The following RIMBP2 variants were observed in gnomAD, a reference collection of about 807,000 sequenced individuals.
The protein encoded by RIMBP2 is RIMS-binding protein 2.
In RIMBP2, 48 loss-of-function variants were observed where a neutral mutation model predicts 118.6. The observed-to-expected ratio is 0.40, with a 90% confidence interval of 0.32 to 0.51. The LOEUF is 0.51. Among genes scored for constraint, RIMBP2 ranks in the 20% least tolerant of loss-of-function variants. The pLI is 0.41. For synonymous variants in RIMBP2, 762 were observed against 742.9 expected, an observed-to-expected ratio of 1.03 and a Z score of -0.42; for missense variants, 1,551 against 1,768.3, an observed-to-expected ratio of 0.88 and a Z score of 2.20.
At position 130,492,395 on chromosome 12, in the gene RIMBP2, C is replaced by G. The variant is rs1184550912; in HGVS notation, c.-3-13379G>C. ...TTTCAGCCCAAGTATTTTAGTTTCT[C>G]AAACTGGGAAAAAAAATGGATCCTT... On this transcript the variant is annotated intron_variant, in intron 4 of 22. Transcript: ENST00000690449. Among the ~76,000 whole-genome samples, 5 of 9,856 alleles carry G rather than the reference C, an allele frequency of 5.1e-4. No homozygotes were observed. The East Asian group carries it at 0.023, about 45-fold the overall frequency. The allele number at this position is 9,856 out of a possible 152,430, so 6.5% of individuals were successfully genotyped here.
At chr12:130,565,104 C>T (rs1391590974) in intron 2 of RIMBP2, among the ~76,000 whole-genome samples, 1 of 152,136 alleles carries the variant, frequency 6.6e-6, no homozygotes, top group Admixed American at 6.5e-5. Flanking sequence ...ACTTCCTGCC[C>T]TTTATGATGC....
Position 130,406,223 on chromosome 12 carries a change from T to C in RIMBP2, c.3714A>G (p.Thr1238=), listed in dbSNP as rs748612513. The change falls in exon 21 of 23, where the codon ACA becomes ACG. Residue 1238 remains threonine, a synonymous_variant. Coordinates refer to ENST00000690449, the MANE Select transcript of RIMBP2 (RefSeq NM_001393629.1). ...VDVEAELTFC[T]GDIITVFGEI... is the part of the protein sequence containing the mutation. ...CACCAAAAACTGTAATAATATCTCC[T>C]GTGCAAAATGTAAGTTCGGCCTGTG... 16 of 1,604,108 alleles carry C rather than the reference T, an allele frequency of 1.0e-5. No individual in the cohort carries two copies. Among genetic ancestry groups the C allele is most frequent in the African/African-American group, 2.7e-5 (2 of 74,760 alleles).
intron 1 of RIMBP2, among the ~76,000 whole-genome samples, chr12:130,644,138 T>G (rs1301851731): frequency 6.6e-6 from 1 of 152,140 alleles, no homozygotes; most frequent in Non-Finnish European, 1.5e-5. Context: ...AGCTATACTG[T>G]GGATTCAGGG....
At chr12:130,407,852 A>C in intron 19 of RIMBP2, 23 bp from the exon 20 acceptor site, 3 of 1,596,672 alleles carry the variant, frequency 1.9e-6, no homozygotes, top group Non-Finnish European at 2.6e-6. Flanking sequence ...CAAGGGGGAA[A>C]GAAATCCATC....
intron 17 of RIMBP2, among the ~76,000 whole-genome samples, chr12:130,416,972 G>T (rs557508866): frequency 6.6e-6 from 1 of 151,830 alleles, no homozygotes; most frequent in South Asian, 2.1e-4. Flanking sequence ...TTTAAAAAAT[G>T]TATAAAAATA....
chr12:130,522,056 C>A (rs1161315118), intron 2 of RIMBP2, among the ~76,000 whole-genome samples: 1 of 152,198 alleles, frequency 6.6e-6, no homozygotes, highest in Non-Finnish European at 1.5e-5. Context: ...CCCATCAGAG[C>A]ATTCTGGGAT....
chr12:130,601,333 G>A (rs1343571463), intron 2 of RIMBP2, among the ~76,000 whole-genome samples: 1 of 61,146 alleles, frequency 1.6e-5, no homozygotes, highest in African/African-American at 5.8e-5. Flanking sequence ...AAAGAGGGCA[G>A]GCAAAAAAAA....
chr12:130,665,209 G>A (rs994616314), intron 1 of RIMBP2, among the ~76,000 whole-genome samples: 1 of 151,616 alleles, frequency 6.6e-6, no homozygotes, highest in Non-Finnish European at 1.5e-5. Flanking sequence ...GTTTCCTGAT[G>A]CCATGCTCCG....
At position 130,576,152 on chromosome 12, in the gene RIMBP2, A is replaced by G. The variant is rs932768226; in HGVS notation, c.-217+52170T>C. ...CAGGTGAGGGGGAGGAGGGGGCTGC[A>G]GATCGTACCTTGTAGGCCACGGTAG... On this transcript the variant is annotated intron_variant, in intron 2 of 22. Transcript: ENST00000690449. The surrounding 1 kb of genome is among the most constrained non-coding windows in gnomAD (Gnocchi z 4.2). Among the ~76,000 whole-genome samples the G allele has an allele frequency of 3.3e-4, 50 of 152,306 alleles. 1 individual carries two copies. Among genetic ancestry groups the G allele is most frequent in the Admixed American group, 2.6e-3 (40 of 15,306 alleles).
intron 1 of RIMBP2, among the ~76,000 whole-genome samples, chr12:130,690,220 G>A (rs758389960): frequency 1.6e-4 from 24 of 152,244 alleles, no homozygotes; most frequent in Middle Eastern, 3.4e-3. Flanking sequence ...TCTCCCAGGC[G>A]GCCTCCCTTT....
intron 4 of RIMBP2, among the ~76,000 whole-genome samples, chr12:130,506,335 T>G (rs1028316525): frequency 2.0e-5 from 3 of 152,340 alleles, no homozygotes; most frequent in Admixed American, 1.3e-4. Context: ...ACCTCTGGTC[T>G]TTAACGTAGG....
Position 130,625,933 on chromosome 12 carries a change from C to T in RIMBP2, c.-217+2389G>A, listed in dbSNP as rs983330677. 3.9e-5 allele frequency among the ~76,000 whole-genome samples: 6 copies of T among 152,158 alleles called. 1 individual carries two copies. The highest frequency in any genetic ancestry group is 8.8e-5 in the Non-Finnish European group (6 of 68,030). On this transcript the variant is annotated intron_variant, in intron 2 of 22. Coordinates refer to ENST00000690449, the MANE Select transcript of RIMBP2 (RefSeq NM_001393629.1). ...ACCCACACCACTCAGTTGAAACACA[C>T]TCTTTGAAAGTGTTCTTAATGACAC...
At chr12:130,501,620 T>C (rs2049791578) in intron 4 of RIMBP2, among the ~76,000 whole-genome samples, 1 of 152,238 alleles carries the variant, frequency 6.6e-6, no homozygotes, top group Non-Finnish European at 1.5e-5. Flanking sequence ...AATAATTTTC[T>C]GCATAACCTG....
At chr12:130,589,008 C>T (rs1264817532) in intron 2 of RIMBP2, among the ~76,000 whole-genome samples, 3 of 152,226 alleles carry the variant, frequency 2.0e-5, no homozygotes, top group Admixed American at 6.5e-5. Context: ...ACACTCGGGA[C>T]GTCAGCCTTC....
intron 7 of RIMBP2, among the ~76,000 whole-genome samples, chr12:130,454,576 G>C (rs1013527361): frequency 6.6e-6 from 1 of 152,274 alleles, no homozygotes; most frequent in African/African-American, 2.4e-5. Context: ...GTGATTAAAT[G>C]AACTGGATTC....
chr12:130,437,661 G>C (rs947300508), intron 12 of RIMBP2, among the ~76,000 whole-genome samples: 1 of 152,220 alleles, frequency 6.6e-6, no homozygotes, highest in Admixed American at 6.5e-5. Context: ...AGAGGCCAAC[G>C]TGGGCTTCCG....
chr12:130,633,278 A>G (rs1333229040), intron 1 of RIMBP2, among the ~76,000 whole-genome samples: 1 of 152,240 alleles, frequency 6.6e-6, no homozygotes, highest in Non-Finnish European at 1.5e-5. Context: ...GTTGCACAAA[A>G]ATTGAATACA....
At chr12:130,691,663 C>T (rs1251147345) in intron 1 of RIMBP2, among the ~76,000 whole-genome samples, 1 of 152,150 alleles carries the variant, frequency 6.6e-6, no homozygotes, top group Non-Finnish European at 1.5e-5. Flanking sequence ...AGAGCAAGAT[C>T]CTGTCTCAAA....
chr12:130,511,109 G>C lies in RIMBP2; in HGVS notation c.-126-4339C>G, dbSNP rs1299188415. 5.3e-5 allele frequency among the ~76,000 whole-genome samples: 8 copies of C among 152,192 alleles called. No homozygotes were observed. Among genetic ancestry groups the C allele is most frequent in the Non-Finnish European group, 1.0e-4 (7 of 68,034 alleles). ...AGTGGGAGAGCACCGGGGTTATCCA[G>C]ATGGGCTCTACGTAGTCACAGAGCC... On this transcript the variant is annotated intron_variant, in intron 3 of 22. Transcript: ENST00000690449. The surrounding 1 kb of genome is among the most constrained non-coding windows in gnomAD (Gnocchi z 4.3).
Sources: allele counts gnomAD v4.1 joint callset (sites outside exome capture counted in the v4.1 genomes callset), GRCh38; gene constraint gnomAD v4.1.1; non-coding constraint Gnocchi (gnomAD v3.1); transcripts MANE v1.5; gene names NCBI Gene and HGNC (gene_info 2026-07-23, HGNC 2026-07-21).